The following BCAS3 variants were observed in gnomAD, a reference collection of about 807,000 sequenced individuals.
BCAS3 encodes the protein BCAS3 microtubule associated cell migration factor.
In BCAS3, 53 loss-of-function variants were observed where a neutral mutation model predicts 116.1. The observed-to-expected ratio is 0.46, with a 90% CI of 0.37 to 0.57. The LOEUF is 0.57. Ranked by LOEUF, BCAS3 falls within the 20% of genes least tolerant of loss-of-function variation. The pLI, the probability that BCAS3 is intolerant of heterozygous loss-of-function variation, is 0.00. For missense variants in BCAS3, 917 were observed against 1,165.4 expected (o/e 0.79, Z 3.10); for synonymous variants, 391 against 408.2 (o/e 0.96, Z 0.51).
intron 6 of BCAS3, among the ~76,000 whole-genome samples, chr17:60,787,358 C>T (rs981506192): frequency 2.0e-5 from 3 of 152,070 alleles, no homozygotes; most frequent in African/African-American, 7.2e-5. Flanking sequence ...AGAGTTTTCC[C>T]TGCTTTTGAT....
At chr17:60,792,906 C>T (rs2046901194) in intron 6 of BCAS3, among the ~76,000 whole-genome samples, 1 of 152,066 alleles carries the variant, frequency 6.6e-6, no homozygotes, top group African/African-American at 2.4e-5. Flanking sequence ...ATGAGTGTGA[C>T]TGCTTTATTT....
chr17:60,698,375 T>C (rs552067199), intron 4 of BCAS3, among the ~76,000 whole-genome samples: 8 of 152,062 alleles, frequency 5.3e-5, no homozygotes, highest in Non-Finnish European at 1.0e-4. Flanking sequence ...CCAGGCCTGG[T>C]GGCTTATGCC....
intron 7 of BCAS3, among the ~76,000 whole-genome samples, chr17:60,861,253 A>G (rs966370349): frequency 2.0e-5 from 3 of 152,088 alleles, no homozygotes; most frequent in Admixed American, 2.0e-4. Flanking sequence ...TTTTACGGCT[A>G]TTGTGAATGA....
chr17:60,721,642 A>G (rs2144096630), intron 5 of BCAS3, among the ~76,000 whole-genome samples: 1 of 152,272 alleles, frequency 6.6e-6, no homozygotes, highest in East Asian at 1.9e-4. Flanking sequence ...CTAAAACAAT[A>G]TATTATTTGG....
At chr17:61,385,159 G>A (rs1221335659) in intron 23 of BCAS3, among the ~76,000 whole-genome samples, 1 of 152,232 alleles carries the variant, frequency 6.6e-6, no homozygotes, top group Admixed American at 6.5e-5. Flanking sequence ...CGCTCTGGAA[G>A]AGACAGCAGT....
In BCAS3 at chr17:60,747,231, C is replaced by T; in HGVS notation, c.355C>T (p.Arg119Ter). The change falls in exon 6 of 24, where the codon CGA (arginine) becomes TGA (stop). Residue 119 changes from arginine (R) to a stop codon, truncating the protein, a stop_gained. Transcript: ENST00000407086. LOFTEE classifies it high-confidence loss of function. ...SGEAQELFSV[R>*]HGPIRAARIL... ...TGAAGCACAAGAGCTCTTCTCTGTT[C>T]GACATGGCCCAATTCGAGCGGCTAG... 2 of 1,613,198 alleles carry T rather than the reference C, an allele frequency of 1.2e-6. No individual in the cohort carries two copies. The highest frequency in any genetic ancestry group is 1.7e-4 in the Middle Eastern group (1 of 6,054).
chr17:61,288,702 T>C (rs946726340), intron 22 of BCAS3, among the ~76,000 whole-genome samples: 3 of 152,082 alleles, frequency 2.0e-5, no homozygotes, highest in Admixed American at 6.5e-5. Flanking sequence ...GACTGGAAAT[T>C]TTCTTGACAG....
At chr17:60,998,101 G>T (rs992629443) in intron 15 of BCAS3, among the ~76,000 whole-genome samples, 1 of 152,098 alleles carries the variant, frequency 6.6e-6, no homozygotes, top group African/African-American at 2.4e-5. Context: ...GACATATTTG[G>T]TTTTCTGTTT....
rs539781761 is a variant in BCAS3, at chr17:61,156,536, G to A, written c.2425+71972G>A. On this transcript the variant is annotated intron_variant, in intron 22 of 23. Coordinates refer to ENST00000407086, the MANE Select transcript of BCAS3 (RefSeq NM_017679.5). The surrounding 1 kb of genome is among the most constrained non-coding windows in gnomAD (Gnocchi z 4.7). ...TGTAGGTTCAGACTGAGGTTGGAAC[G>A]GGCTTGCTTCTCTCTCTCACCTTCT... Among the ~76,000 whole-genome samples, 1 of 152,068 alleles carries A rather than the reference G, an allele frequency of 6.6e-6. No individual in the cohort carries two copies. Among genetic ancestry groups the A allele is most frequent in the Non-Finnish European group, 1.5e-5 (1 of 68,024 alleles).
chr17:61,142,365 G>A (rs779725730), intron 22 of BCAS3, among the ~76,000 whole-genome samples: 20 of 152,176 alleles, frequency 1.3e-4, no homozygotes, highest in Non-Finnish European at 1.8e-4. Context: ...TTTGGTAATG[G>A]AGGAATACTG....
intron 13 of BCAS3, among the ~76,000 whole-genome samples, chr17:60,937,285 C>G (rs2059986384): frequency 6.8e-6 from 1 of 147,168 alleles, no homozygotes; most frequent in African/African-American, 2.5e-5. Flanking sequence ...TTTTCTCTCT[C>G]TTTTTTTTTT....
intron 22 of BCAS3, among the ~76,000 whole-genome samples, chr17:61,149,031 A>G (rs1260922232): frequency 1.3e-5 from 2 of 152,182 alleles, no homozygotes; most frequent in African/African-American, 4.8e-5. Context: ...TTTCAACCCC[A>G]TGGTACTTCT....
Position 61,077,003 on chromosome 17 carries a change from T to TA in BCAS3, c.2131-1326dup, listed in dbSNP as rs1201744837. ...ACAATCAGAGAAATGTGATTAAATATAAAAGAACTCAGGACAAAAATAAGG... is the reference window on the plus strand; with the variant it reads ...ACAATCAGAGAAATGTGATTAAATATAAAAAGAACTCAGGACAAAAATAAGG... On this transcript the variant is annotated intron_variant, in intron 20 of 23. Coordinates refer to ENST00000407086, the MANE Select transcript of BCAS3 (RefSeq NM_017679.5). The surrounding 1 kb of genome is among the most constrained non-coding windows in gnomAD (Gnocchi z 4.3). Among the ~76,000 whole-genome samples the TA allele has an allele frequency of 6.6e-6, 1 of 152,078 alleles. No homozygotes were observed. Among genetic ancestry groups the TA allele is most frequent in the Non-Finnish European group, 1.5e-5 (1 of 68,016 alleles).
chr17:61,137,889 T>C (rs2076727833), intron 22 of BCAS3, among the ~76,000 whole-genome samples: 1 of 152,240 alleles, frequency 6.6e-6, no homozygotes, highest in African/African-American at 2.4e-5. Context: ...CGGTGTTTCC[T>C]TTGAGTCCAC....
rs1465203712 is a variant in BCAS3, at chr17:61,008,349, C to G, written c.1487-7402C>G. On this transcript the variant is annotated intron_variant, in intron 15 of 23. Transcript: ENST00000407086. The surrounding 1 kb of genome is among the most constrained non-coding windows in gnomAD (Gnocchi z 4.6). ...AGAGAGACACACACTCCCATCCCAACCAAAAATAACCCACCTGCAGGAAAT... is the reference window on the plus strand; with the variant it reads ...AGAGAGACACACACTCCCATCCCAAGCAAAAATAACCCACCTGCAGGAAAT... Among the ~76,000 whole-genome samples the G allele has an allele frequency of 6.6e-6, 1 of 152,008 alleles. No individual in the cohort carries two copies. The highest frequency in any genetic ancestry group is 1.5e-5 in the Non-Finnish European group (1 of 67,962).
At chr17:61,184,264 A>G (rs1311871766) in intron 22 of BCAS3, among the ~76,000 whole-genome samples, 2 of 152,178 alleles carry the variant, frequency 1.3e-5, no homozygotes, top group Admixed American at 1.3e-4. Flanking sequence ...ATTGTGTGCA[A>G]AATATGTAGA....
At chr17:60,897,549 A>G (rs2145040789) in intron 10 of BCAS3, among the ~76,000 whole-genome samples, 1 of 152,238 alleles carries the variant, frequency 6.6e-6, no homozygotes, top group Non-Finnish European at 1.5e-5. Flanking sequence ...TATAATTGTA[A>G]TATTTTGACA....
intron 22 of BCAS3, among the ~76,000 whole-genome samples, chr17:61,280,845 A>G (rs1337987307): frequency 1.3e-5 from 2 of 152,208 alleles, no homozygotes; most frequent in African/African-American, 2.4e-5. Flanking sequence ...AGATGGAGCT[A>G]TCTGGGAATG....
chr17:60,934,768 A>G (rs917684379), intron 13 of BCAS3, among the ~76,000 whole-genome samples: 5 of 152,166 alleles, frequency 3.3e-5, no homozygotes, highest in African/African-American at 9.7e-5. Flanking sequence ...ATTCATTTCA[A>G]AGAGATTTAT....
Sources: allele counts gnomAD v4.1 joint callset (sites outside exome capture counted in the v4.1 genomes callset), GRCh38; gene constraint gnomAD v4.1.1; non-coding constraint Gnocchi (gnomAD v3.1); transcripts MANE v1.5; gene names NCBI Gene and HGNC (gene_info 2026-07-23, HGNC 2026-07-21).